The following RBM19 variants were observed in gnomAD, a reference collection of about 807,000 sequenced individuals.
The protein encoded by RBM19 is probable RNA-binding protein 19.
In RBM19, 94 loss-of-function variants were observed where a neutral mutation model predicts 116.8. That is an observed-to-expected ratio of 0.80 (90% confidence interval 0.68 to 0.95). The LOEUF (loss-of-function observed/expected upper bound fraction) is 0.95. Ranked by LOEUF, RBM19 falls within the 40% of genes least tolerant of loss-of-function variation. The pLI is 0.00. For synonymous variants in RBM19, 475 were observed against 494.1 expected (o/e 0.96, Z 0.51); for missense variants, 1,161 against 1,220.7 (o/e 0.95, Z 0.73).
chr12:113,819,315 TC>T (rs1874268769), downstream of RBM19, among the ~76,000 whole-genome samples: 1 of 151,852 alleles, frequency 6.6e-6, no homozygotes, highest in Admixed American at 6.6e-5. Flanking sequence ...CCTCCCTGTG[TC>T]CCTTTGGCCC....
intron 16 of RBM19, among the ~76,000 whole-genome samples, chr12:113,934,911 A>C (rs10850248): frequency 0.16 from 24,213 of 151,978 alleles, 2,560 homozygotes; most frequent in African/African-American, 0.3. Flanking sequence ...ATTCTCATGC[A>C]TTCCCTCACT....
At chr12:113,948,738 C>G in intron 10 of RBM19, 95 bp downstream of exon 10, 1 of 1,251,322 alleles carries the variant, frequency 8.0e-7, no homozygotes, top group Non-Finnish European at 1.1e-6. Flanking sequence ...GATGTGGAGT[C>G]GTGTGCACAC....
intron 21 of RBM19, among the ~76,000 whole-genome samples, chr12:113,867,233 T>C (rs1190906184): frequency 2.0e-5 from 3 of 152,226 alleles, no homozygotes; most frequent in Admixed American, 6.5e-5. Flanking sequence ...TGTGAACACA[T>C]TTGTGGCTAC....
At chr12:113,911,338 A>G (rs1332152230) in intron 21 of RBM19, among the ~76,000 whole-genome samples, 1 of 152,238 alleles carries the variant, frequency 6.6e-6, no homozygotes, top group East Asian at 1.9e-4. Flanking sequence ...CGAATGGGGC[A>G]GAAATAGAGG....
At chr12:113,880,794 C>T (rs1042666420) in intron 21 of RBM19, among the ~76,000 whole-genome samples, 32 of 152,178 alleles carry the variant, frequency 2.1e-4, no homozygotes, top group Non-Finnish European at 4.6e-4. Context: ...CCACCTGTAC[C>T]TTAGCTCTGT....
intron 18 of RBM19, 128 bp from the exon 19 acceptor site, chr12:113,920,818 C>A (rs1324225109): frequency 1.2e-6 from 1 of 814,150 alleles, no homozygotes; most frequent in Admixed American, 2.2e-5. Context: ...TCATTCCCCC[C>A]AAAAATCTCA....
At chr12:113,960,390 A>C (rs2135942984) in intron 2 of RBM19, among the ~76,000 whole-genome samples, 1 of 152,200 alleles carries the variant, frequency 6.6e-6, no homozygotes, top group East Asian at 1.9e-4. Flanking sequence ...TGAGTCTGTA[A>C]TACTGTAATG....
chr12:113,935,972 G>A (rs1231226664), intron 16 of RBM19, among the ~76,000 whole-genome samples: 1 of 151,734 alleles, frequency 6.6e-6, no homozygotes, highest in Non-Finnish European at 1.5e-5. Flanking sequence ...GGAGGCAGAG[G>A]TTGCAGTGAG....
intron 22 of RBM19, among the ~76,000 whole-genome samples, 200 bp from the exon 23 acceptor site, chr12:113,844,988 T>C (rs1039509738): frequency 2.6e-5 from 4 of 152,184 alleles, no homozygotes; most frequent in African/African-American, 9.7e-5. Context: ...GGGAGAAAGC[T>C]GCAAGTGACT....
rs1871817300 is a variant in RBM19, at chr12:113,955,190, T to C, written c.862A>G (p.Lys288Glu). Residue 288 changes from lysine (K) to glutamate (E), a missense_variant, in exon 7 of 24, where the codon AAG becomes GAG. Physicochemically the swap from Lys to Glu is moderately conservative, Grantham distance 56. Transcript: ENST00000261741. ...ACGGTGTGGCAGGTGGTGGGTTCCT[T>C]CTGGTTTGCTGGTTTCTCTGTCTGA... ...RAETEKPANQ[K>E]EPTTCHTVKL... The C allele has an allele frequency of 6.2e-7, 1 of 1,614,082 alleles. No individual in the cohort carries two copies. Among genetic ancestry groups the C allele is most frequent in the Non-Finnish European group, 8.5e-7 (1 of 1,180,002 alleles).
At chr12:113,820,980 A>G (rs1431100336), downstream of RBM19, among the ~76,000 whole-genome samples, 10 of 152,096 alleles carry the variant, frequency 6.6e-5, no homozygotes. Flanking sequence ...CCATCATTTC[A>G]CTGTGTGAGC....
chr12:113,836,825 TACAC>T (rs113470925), intron 23 of RBM19, among the ~76,000 whole-genome samples: 2 of 105,742 alleles, frequency 1.9e-5, no homozygotes, highest in Non-Finnish European at 3.9e-5. Context: ...ACTACATACA[TACAC>T]ACACACACAC....
rs753937638 is a variant in RBM19, at chr12:113,948,987, C to G, written c.1122G>C (p.Lys374Asn). The part of the protein sequence containing the change: ...VFREKNVPTT[K>N]GAPKNTTKSW... ...ATTTGGTGGTATTCTTTGGTGCACC[C>G]TTGGTGGTGGGGACGTTCTTTTCCC... Residue 374 changes from lysine (K) to asparagine (N), a missense_variant, in exon 10 of 24, where the codon AAG becomes AAC. Transcript: ENST00000261741. The G allele has an allele frequency of 1.9e-6, 3 of 1,614,152 alleles. No homozygotes were observed. The highest frequency in any genetic ancestry group is 2.2e-5 in the South Asian group (2 of 91,076).
At chr12:113,832,409 C>A (rs903192819) in intron 23 of RBM19, among the ~76,000 whole-genome samples, 1 of 152,124 alleles carries the variant, frequency 6.6e-6, no homozygotes, top group Admixed American at 6.5e-5. Flanking sequence ...AGGCTGCTCT[C>A]GAACTCCTGG....
intron 21 of RBM19, among the ~76,000 whole-genome samples, chr12:113,872,958 G>A (rs868492765): frequency 0.012 from 868 of 70,192 alleles, no homozygotes; most frequent in South Asian, 0.028. Flanking sequence ...CCGGCCAGCC[G>A]CCCCGTCCGG....
intron 21 of RBM19, among the ~76,000 whole-genome samples, chr12:113,883,725 C>G (rs1593530590): frequency 6.6e-6 from 1 of 152,382 alleles, no homozygotes; most frequent in Non-Finnish European, 1.5e-5. Flanking sequence ...AGTCTCTGCT[C>G]TTTCCCATGA....
chr12:113,880,748 ACT>A (rs1308095590), intron 21 of RBM19, among the ~76,000 whole-genome samples: 1 of 150,982 alleles, frequency 6.6e-6, no homozygotes, highest in Admixed American at 6.6e-5. Flanking sequence ...TCACGTGACC[ACT>A]CTCTGATGCC....
At chr12:113,927,612 A>C (rs959319544) in intron 16 of RBM19, among the ~76,000 whole-genome samples, 39 of 152,048 alleles carry the variant, frequency 2.6e-4, no homozygotes, top group African/African-American at 8.9e-4. Context: ...AAACAAAAAA[A>C]AAAAAACCAG....
rs1005077475 is a variant in RBM19, at chr12:113,904,375, A to C, written c.2558+10594T>G. 3.9e-5 allele frequency among the ~76,000 whole-genome samples: 6 copies of C among 152,352 alleles called. No homozygotes were observed. The South Asian group carries it at 1.2e-3, about 32-fold the overall frequency. ...TCATAATAGGAAAGACAGCACAGGA[A>C]GAGTATCTGTGAGTGCAAATACGGC... On this transcript the variant is annotated intron_variant, in intron 21 of 23. Transcript: ENST00000261741.
Sources: allele counts gnomAD v4.1 joint callset (sites outside exome capture counted in the v4.1 genomes callset), GRCh38; gene constraint gnomAD v4.1.1; transcripts MANE v1.5; gene names NCBI Gene and HGNC (gene_info 2026-07-23, HGNC 2026-07-21).